Variants in TANC2 observed in about 807,000 individuals in gnomAD.
The protein encoded by TANC2 is protein TANC2.
TANC2 carries 26 observed loss-of-function variants against 210.5 expected under a neutral mutation model. That is an observed-to-expected ratio of 0.12 (90% confidence interval 0.09 to 0.17). The LOEUF (loss-of-function observed/expected upper bound fraction) is 0.17, where lower values mean the gene tolerates loss of function less well. Among genes scored for constraint, TANC2 ranks in the 10% least tolerant of loss-of-function variants. The probability of loss-of-function intolerance (pLI) is 1.00; values close to 1 mark genes in which losing one functional copy is unlikely to be tolerated. For missense variants in TANC2, 2,129 were observed against 2,608.9 expected, an observed-to-expected ratio of 0.82 and a Z score of 4.01; for synonymous variants, 931 against 967.1, an observed-to-expected ratio of 0.96 and a Z score of 0.69.
intron 9 of TANC2, among the ~76,000 whole-genome samples, chr17:63,304,172 C>T (rs1318292852): frequency 6.6e-6 from 1 of 152,066 alleles, no homozygotes; most frequent in Admixed American, 6.6e-5. Context: ...GCACTCTGGC[C>T]TTTTGAGTTT....
chr17:63,326,127 A>G (rs376675950), intron 11 of TANC2, among the ~76,000 whole-genome samples: 9 of 152,218 alleles, frequency 5.9e-5, no homozygotes, highest in African/African-American at 1.9e-4. Context: ...GGCTCTGACT[A>G]CGAGCCATTG....
intron 14 of TANC2, among the ~76,000 whole-genome samples, chr17:63,374,122 G>A (rs1016708852): frequency 4.4e-5 from 6 of 136,044 alleles, no homozygotes; most frequent in Admixed American, 1.6e-4. Context: ...CTGCAGCCTC[G>A]ACGTCCTGGG....
At chr17:63,343,592 A>AGT (rs1393326588) in intron 12 of TANC2, among the ~76,000 whole-genome samples, 1 of 152,236 alleles carries the variant, frequency 6.6e-6, no homozygotes, top group Non-Finnish European at 1.5e-5. Context: ...CATAGCAGCT[A>AGT]GTATGGTAAC....
chr17:63,244,493 G>A (rs1328460146), intron 8 of TANC2, among the ~76,000 whole-genome samples: 1 of 152,174 alleles, frequency 6.6e-6, no homozygotes, highest in Non-Finnish European at 1.5e-5. Flanking sequence ...TTAGTGGAAA[G>A]TTTGCCCCCA....
At chr17:63,414,367 T>C (rs2048795989) in intron 25 of TANC2, 1 of 152,070 alleles carries the variant, frequency 6.6e-6, no homozygotes, top group Non-Finnish European at 1.5e-5. Flanking sequence ...GTGTCAGGAG[T>C]GTACAAGTTC....
intron 7 of TANC2, among the ~76,000 whole-genome samples, chr17:63,220,703 CAAAAAAAAA>C (rs373846699): frequency 5.4e-5 from 5 of 91,992 alleles, no homozygotes; most frequent in Admixed American, 1.2e-4. Flanking sequence ...GAATCAGTCT[CAAAAAAAAA>C]AAAAAAAATA....
intron 9 of TANC2, among the ~76,000 whole-genome samples, chr17:63,313,680 T>C (rs1419508261): frequency 6.6e-6 from 1 of 152,240 alleles, no homozygotes; most frequent in African/African-American, 2.4e-5. Context: ...CTGCTTAGAA[T>C]GTTTAAGATC....
chr17:63,220,760 G>A (rs575177320), intron 7 of TANC2, among the ~76,000 whole-genome samples: 5 of 143,034 alleles, frequency 3.5e-5, no homozygotes, highest in East Asian at 2.0e-4. Context: ...GTGTATATAC[G>A]TGTATGTGTA....
At chr17:63,335,011 T>C (rs1241340482) in intron 11 of TANC2, among the ~76,000 whole-genome samples, 1 of 152,094 alleles carries the variant, frequency 6.6e-6, no homozygotes, top group African/African-American at 2.4e-5. Flanking sequence ...GAGAACTCAC[T>C]CACTGTGGTG....
chr17:63,208,214 C>T (rs904542814), intron 7 of TANC2, among the ~76,000 whole-genome samples: 1 of 152,056 alleles, frequency 6.6e-6, no homozygotes, highest in Non-Finnish European at 1.5e-5. Flanking sequence ...CTTAAAATCA[C>T]CTAGAATTGG....
At chr17:63,277,500 A>G (rs1598757614) in intron 9 of TANC2, among the ~76,000 whole-genome samples, 1 of 121,788 alleles carries the variant, frequency 8.2e-6, no homozygotes, top group African/African-American at 4.0e-5. Context: ...GCAGCTCAGA[A>G]TCATGTCATT....
chr17:63,022,522 C>T (rs981023532), intron 2 of TANC2, among the ~76,000 whole-genome samples: 6 of 152,070 alleles, frequency 3.9e-5, no homozygotes, highest in Admixed American at 6.6e-5. Flanking sequence ...CAAAAATTCC[C>T]AGCCTGGCCA....
rs970008016 is a variant in TANC2 at position 63,001,033 on chromosome 17, C to T, written c.-23-8504C>T. Among the ~76,000 whole-genome samples, 5 of 150,850 alleles carry T rather than the reference C, an allele frequency of 3.3e-5. 1 individual carries two copies. The highest frequency in any genetic ancestry group is 7.4e-5 in the Non-Finnish European group (5 of 67,856). On this transcript the variant is annotated intron_variant, in intron 1 of 27. Coordinates refer to ENST00000689528, the Ensembl canonical transcript of TANC2. ...AGCCATCACTATAATTTATGCCACC[C>T]ACCAAAATATTTTACCTAAATCAAC... is the stretch of plus-strand genomic sequence containing the variant.
chr17:63,087,075 C>T (rs549720602), intron 3 of TANC2, among the ~76,000 whole-genome samples: 8 of 152,320 alleles, frequency 5.3e-5, no homozygotes, highest in South Asian at 2.1e-4. Flanking sequence ...CTCTTGGTTC[C>T]GTGCCACCTT....
chr17:63,128,856 G>A (rs1022714819), intron 4 of TANC2, among the ~76,000 whole-genome samples: 1 of 152,190 alleles, frequency 6.6e-6, no homozygotes, highest in African/African-American at 2.4e-5. Flanking sequence ...TTAATTGTGA[G>A]TGGAAATTTG....
intron 15 of TANC2, among the ~76,000 whole-genome samples, chr17:63,382,991 C>T (rs1178110623): frequency 6.6e-6 from 1 of 152,158 alleles, no homozygotes; most frequent in Non-Finnish European, 1.5e-5. Flanking sequence ...ATTCCTGAGC[C>T]TTACTCCCAG....
intron 4 of TANC2, among the ~76,000 whole-genome samples, chr17:63,108,601 G>T (rs2037914469): frequency 6.6e-6 from 1 of 151,690 alleles, no homozygotes; most frequent in Non-Finnish European, 1.5e-5. Context: ...CAGAGGCCAA[G>T]AGATCGAGAC....
intron 4 of TANC2, among the ~76,000 whole-genome samples, chr17:63,128,609 T>A (rs1379347909): frequency 6.6e-6 from 1 of 152,226 alleles, no homozygotes; most frequent in Non-Finnish European, 1.5e-5. Flanking sequence ...AGGGAAAGTG[T>A]TTAATACATG....
At chr17:63,066,745 CTT>C (rs919970215) in intron 2 of TANC2, among the ~76,000 whole-genome samples, 1 of 145,208 alleles carries the variant, frequency 6.9e-6, no homozygotes. Context: ...TTAATGAAAG[CTT>C]TTTTTTTTTT....
Sources: allele counts gnomAD v4.1 joint callset (sites outside exome capture counted in the v4.1 genomes callset), GRCh38; gene constraint gnomAD v4.1.1; transcripts MANE v1.5; gene names NCBI Gene and HGNC (gene_info 2026-07-23, HGNC 2026-07-21).